Variants in SIPA1L3 observed in about 807,000 individuals in gnomAD.
SIPA1L3 encodes the protein signal induced proliferation associated 1 like 3, also known as signal-induced proliferation-associated 1-like protein 3.
A neutral mutation model predicts 150.1 loss-of-function variants in SIPA1L3; 59 were observed. That is an observed-to-expected ratio of 0.39 (90% CI 0.32 to 0.49). SIPA1L3 has a LOEUF of 0.49. SIPA1L3 is among the 20% of genes least tolerant of loss of function. SIPA1L3 has a pLI of 0.86. For missense variants in SIPA1L3, 2,211 were observed against 2,489.5 expected (o/e 0.89, Z 2.38); for synonymous variants, 1,070 against 1,077.6 (o/e 0.99, Z 0.14).
chr19:38,205,850 G>A (rs1299772879), intron 21 of SIPA1L3, among the ~76,000 whole-genome samples: 7 of 152,208 alleles, frequency 4.6e-5, no homozygotes, highest in Admixed American at 4.6e-4. Flanking sequence ...GTTGCGTTCC[G>A]GGAGCTCTAC....
intron 1 of SIPA1L3, among the ~76,000 whole-genome samples, chr19:37,990,874 T>C (rs1021783323): frequency 1.3e-5 from 2 of 152,134 alleles, no homozygotes; most frequent in Non-Finnish European, 2.9e-5. Flanking sequence ...GTTGTTAGCC[T>C]TTTTTTCCAG....
chr19:37,954,183 A>C (rs1027992185), intron 1 of SIPA1L3, among the ~76,000 whole-genome samples: 1 of 152,178 alleles, frequency 6.6e-6, no homozygotes, highest in African/African-American at 2.4e-5. Flanking sequence ...GATCTAGAAA[A>C]ATTCAGTGGT....
At chr19:37,944,362 A>G (rs1458670206) in intron 1 of SIPA1L3, among the ~76,000 whole-genome samples, 1 of 151,632 alleles carries the variant, frequency 6.6e-6, no homozygotes, top group East Asian at 1.9e-4. Flanking sequence ...CCAGATGCAT[A>G]TTAAGTGCAC....
Position 37,960,365 on chromosome 19 carries a change from T to C in SIPA1L3, c.-379+53007T>C, listed in dbSNP as rs1007339912. Among the ~76,000 whole-genome samples the C allele has an allele frequency of 4.6e-5, 7 of 151,888 alleles. 1 individual carries two copies. Among genetic ancestry groups the C allele is most frequent in the Non-Finnish European group, 1.0e-4 (7 of 68,000 alleles). On this transcript the variant is annotated intron_variant, in intron 1 of 21. Coordinates refer to ENST00000222345, the MANE Select transcript of SIPA1L3 (RefSeq NM_015073.3). Reference sequence around the variant, plus strand: ...CGATCCTCCACCTCAGCCTTCTGAGTAGCTGGGACTATAGGTGCGCGCCAC... The same window carrying C: ...CGATCCTCCACCTCAGCCTTCTGAGCAGCTGGGACTATAGGTGCGCGCCAC...
At chr19:38,003,007 G>A (rs1419182492) in intron 1 of SIPA1L3, among the ~76,000 whole-genome samples, 3 of 151,986 alleles carry the variant, frequency 2.0e-5, no homozygotes, top group Non-Finnish European at 2.9e-5. Flanking sequence ...TTAGCCAGGC[G>A]TGGTGGCATG....
intron 15 of SIPA1L3, among the ~76,000 whole-genome samples, chr19:38,178,568 CA>C (rs1186854966): frequency 1.5e-4 from 23 of 152,242 alleles, no homozygotes; most frequent in Non-Finnish European, 1.5e-5. Flanking sequence ...CTCCGCCTCC[CA>C]GATTCATGCC....
chr19:37,936,281 G>A (rs1477121352), intron 1 of SIPA1L3, among the ~76,000 whole-genome samples: 1 of 152,170 alleles, frequency 6.6e-6, no homozygotes, highest in African/African-American at 2.4e-5. Context: ...GGAAGAAGAC[G>A]GAGAGTGGAC....
intron 2 of SIPA1L3, among the ~76,000 whole-genome samples, chr19:38,075,000 C>T (rs976981155): frequency 3.3e-5 from 5 of 152,182 alleles, no homozygotes; most frequent in South Asian, 4.1e-4. Flanking sequence ...TCCCAAAGTA[C>T]GGGTATTACA....
At chr19:37,988,875 G>A (rs953405957) in intron 1 of SIPA1L3, among the ~76,000 whole-genome samples, 2 of 152,072 alleles carry the variant, frequency 1.3e-5, no homozygotes, top group Non-Finnish European at 2.9e-5. Context: ...CTCTGCGCGG[G>A]CCGTCCTCCC....
chr19:38,009,877 C>T (rs972202234), intron 1 of SIPA1L3, among the ~76,000 whole-genome samples: 1 of 152,148 alleles, frequency 6.6e-6, no homozygotes, highest in African/African-American at 2.4e-5. Context: ...GTCGCAAAGC[C>T]CTGCTGTCCA....
intron 16 of SIPA1L3, among the ~76,000 whole-genome samples, chr19:38,188,226 C>T (rs564685797): frequency 1.3e-5 from 2 of 151,734 alleles, no homozygotes; most frequent in South Asian, 2.1e-4. Context: ...CACTCTGTTG[C>T]CCAAGCTGGA....
At chr19:38,060,485 G>A (rs749175551) in intron 2 of SIPA1L3, among the ~76,000 whole-genome samples, 21 of 152,162 alleles carry the variant, frequency 1.4e-4, no homozygotes, top group Non-Finnish European at 2.5e-4. Context: ...GGTGGGCTGC[G>A]GCTATGCCTG....
chr19:38,035,303 T>C (rs62121387), intron 2 of SIPA1L3, among the ~76,000 whole-genome samples: 4 of 152,200 alleles, frequency 2.6e-5, no homozygotes, highest in Admixed American at 2.0e-4. Context: ...CCATCATTGA[T>C]TGGGCACCTC....
intron 1 of SIPA1L3, among the ~76,000 whole-genome samples, chr19:37,967,064 G>A (rs1341428737): frequency 6.6e-6 from 1 of 152,120 alleles, no homozygotes; most frequent in African/African-American, 2.4e-5. Context: ...CTGAGATCAA[G>A]GTCTGGGCTC....
intron 1 of SIPA1L3, among the ~76,000 whole-genome samples, chr19:37,936,614 C>T (rs537548049): frequency 9.2e-5 from 14 of 152,236 alleles, no homozygotes; most frequent in African/African-American, 3.4e-4. Context: ...TCACAGTGGC[C>T]CTATGAAATG....
chr19:37,972,168 AGTGTGTGTGT>A (rs34744094), intron 1 of SIPA1L3, among the ~76,000 whole-genome samples: 12 of 145,044 alleles, frequency 8.3e-5, no homozygotes, highest in Middle Eastern at 3.5e-3. Context: ...AGAGATACCT[AGTGTGTGTGT>A]GTGTGTGTGT....
rs754996237 is a variant in SIPA1L3 at position 38,164,451 on chromosome 19, G to C, written c.3781-28G>C. ...AGATGCGCCCCTGCCCTGGAGTCTG[G>C]GAATGACACGCTTCTCTTGCCTCTC... On this transcript the variant is annotated intron_variant, in intron 14 of 21. Transcript: ENST00000222345. The surrounding 1 kb of genome is among the most constrained non-coding windows in gnomAD (Gnocchi z 4.1). 1.8e-5 allele frequency: 28 copies of C among 1,573,940 alleles called. No individual in the cohort carries two copies. The Admixed American group carries it at 4.1e-4, about 23-fold the overall frequency.
intron 1 of SIPA1L3, among the ~76,000 whole-genome samples, chr19:38,018,156 CTTTTTTT>C (rs34874664): frequency 6.5e-5 from 4 of 61,328 alleles, no homozygotes; most frequent in African/African-American, 2.9e-4. Context: ...CTTTGAGTGT[CTTTTTTT>C]TTTTTTTTTT....
Position 37,908,377 on chromosome 19 carries a change from A to G in SIPA1L3, c.-379+1019A>G, listed in dbSNP as rs1463918970. Among the ~76,000 whole-genome samples, 3 of 152,186 alleles carry G rather than the reference A, an allele frequency of 2.0e-5. No individual in the cohort carries two copies. The East Asian group carries it at 5.8e-4, about 29-fold the overall frequency. The stretch of plus-strand genomic sequence containing the variant: ...TAAGTAGCAGCTCTTATGTATTATA[A>G]TTGTTCTTCAATATTCTCCATCTGG... On this transcript the variant is annotated intron_variant, in intron 1 of 21. Coordinates refer to ENST00000222345, the MANE Select transcript of SIPA1L3 (RefSeq NM_015073.3).
Sources: allele counts gnomAD v4.1 joint callset (sites outside exome capture counted in the v4.1 genomes callset), GRCh38; gene constraint gnomAD v4.1.1; non-coding constraint Gnocchi (gnomAD v3.1); transcripts MANE v1.5; gene names NCBI Gene and HGNC (gene_info 2026-07-23, HGNC 2026-07-21).